The following SHC4 variants were observed in gnomAD, a reference collection of about 807,000 sequenced individuals.
SHC4 encodes the protein SHC-transforming protein 4.
A neutral mutation model predicts 69.4 loss-of-function variants in SHC4; 41 were observed. The observed-to-expected ratio is 0.59, with a 90% CI of 0.46 to 0.77. The LOEUF is 0.77. Ranked by LOEUF, SHC4 falls within the 30% of genes least tolerant of loss-of-function variation. The pLI is 0.00. For synonymous variants in SHC4, 318 were observed against 299.3 expected (o/e 1.06, Z -0.64); for missense variants, 777 against 783.8 (o/e 0.99, Z 0.10).
intron 2 of SHC4, among the ~76,000 whole-genome samples, chr15:48,905,874 C>G (rs1445239376): frequency 2.6e-5 from 4 of 152,210 alleles, no homozygotes; most frequent in African/African-American, 9.6e-5. Context: ...ATCTGCACAT[C>G]TGTATGTTTC....
chr15:48,835,093 T>G, intron 10 of SHC4, 71 bp from the exon 11 acceptor site: 1 of 1,502,008 alleles, frequency 6.7e-7, no homozygotes, highest in Non-Finnish European at 8.9e-7. Context: ...ATTTATTCAC[T>G]CAGTAAATAT....
At chr15:48,886,391 G>A (rs912285975) in intron 3 of SHC4, among the ~76,000 whole-genome samples, 1 of 151,972 alleles carries the variant, frequency 6.6e-6, no homozygotes, top group Non-Finnish European at 1.5e-5. Flanking sequence ...CCTTAATCTC[G>A]TGAGAAATGT....
intron 3 of SHC4, among the ~76,000 whole-genome samples, chr15:48,886,089 T>C (rs1256392794): frequency 6.6e-6 from 1 of 152,102 alleles, no homozygotes; most frequent in African/African-American, 2.4e-5. Context: ...AAACCCCGTC[T>C]CTACTAAAAA....
chr15:48,848,433 G>A (rs973391668), intron 9 of SHC4, among the ~76,000 whole-genome samples: 1 of 152,134 alleles, frequency 6.6e-6, no homozygotes, highest in African/African-American at 2.4e-5. Flanking sequence ...CATTAACAAA[G>A]GGAGTATCCA....
chr15:48,956,476 T>C (rs1901455787), intron 1 of SHC4, among the ~76,000 whole-genome samples: 1 of 152,142 alleles, frequency 6.6e-6, no homozygotes, highest in Non-Finnish European at 1.5e-5. Context: ...ACTTCTGCAG[T>C]CCTCCTGTTG....
At chr15:48,880,414 G>A (rs975064881) in intron 4 of SHC4, among the ~76,000 whole-genome samples, 10 of 152,158 alleles carry the variant, frequency 6.6e-5, no homozygotes, top group African/African-American at 2.4e-4. Context: ...TAATTGCATG[G>A]ATGATGTAAA....
At chr15:48,876,789 C>T (rs1435683731) in intron 4 of SHC4, 1 of 406,358 alleles carries the variant, frequency 2.5e-6, no homozygotes, top group Non-Finnish European at 4.5e-6. Flanking sequence ...GTGGGTCTGC[C>T]TTTCGCAGCC....
intron 4 of SHC4, chr15:48,878,017 T>C (rs1461773490): frequency 3.3e-6 from 3 of 895,744 alleles, no homozygotes; most frequent in Admixed American, 2.9e-5. Context: ...ACTGAGCTAC[T>C]CCAACCACAG....
At chr15:48,830,090 G>A (rs1204008390) in intron 11 of SHC4, among the ~76,000 whole-genome samples, 1 of 152,050 alleles carries the variant, frequency 6.6e-6, no homozygotes, top group Admixed American at 6.5e-5. Context: ...ATTGTTTTCT[G>A]TCTTAAAGCT....
chr15:48,897,037 TGCAGCCCAA>T (rs1389336595), intron 2 of SHC4, among the ~76,000 whole-genome samples: 2 of 152,222 alleles, frequency 1.3e-5, no homozygotes, highest in African/African-American at 4.8e-5. Context: ...CCGCCATTCT[TGCAGCCCAA>T]GCAGCTGCGC....
intron 4 of SHC4, chr15:48,877,489 A>G (rs1899829981): frequency 1.0e-6 from 1 of 984,710 alleles, no homozygotes; most frequent in Non-Finnish European, 1.2e-6. Context: ...GTTTTTAAAA[A>G]ACACACAAAA....
intron 6 of SHC4, among the ~76,000 whole-genome samples, chr15:48,867,333 C>T (rs896040914): frequency 6.6e-6 from 1 of 152,136 alleles, no homozygotes; most frequent in Admixed American, 6.5e-5. Flanking sequence ...CAAAGAAGGT[C>T]TCTGAAGAAG....
At chr15:48,935,781 G>A (rs767689282) in intron 1 of SHC4, among the ~76,000 whole-genome samples, 21 of 152,152 alleles carry the variant, frequency 1.4e-4, no homozygotes, top group Non-Finnish European at 1.6e-4. Flanking sequence ...CAGTGAGATG[G>A]ACAGAGAGAT....
chr15:48,856,390 T>C (rs965209903), intron 7 of SHC4, among the ~76,000 whole-genome samples: 31 of 152,304 alleles, frequency 2.0e-4, no homozygotes, highest in Non-Finnish European at 2.9e-4. Context: ...AAAATAATGA[T>C]AATAACAATA....
intron 2 of SHC4, among the ~76,000 whole-genome samples, chr15:48,891,867 T>C (rs1191363929): frequency 6.6e-6 from 1 of 151,926 alleles, no homozygotes; most frequent in Admixed American, 6.6e-5. Context: ...GTTTTGTTTT[T>C]GTTTTGAGAC....
At chr15:48,915,814 C>T (rs1416716870) in intron 2 of SHC4, among the ~76,000 whole-genome samples, 1 of 152,176 alleles carries the variant, frequency 6.6e-6, no homozygotes, top group African/African-American at 2.4e-5. Context: ...TAAATTAGAA[C>T]TTTAAAACTC....
chr15:48,958,312 T>C (rs1901487207), intron 1 of SHC4, among the ~76,000 whole-genome samples: 1 of 152,194 alleles, frequency 6.6e-6, no homozygotes, highest in Non-Finnish European at 1.5e-5. Context: ...CTGTCTTGCT[T>C]GGAGGCAAGT....
chr15:48,842,531 T>A (rs571630003), intron 10 of SHC4, among the ~76,000 whole-genome samples: 70 of 152,286 alleles, frequency 4.6e-4, no homozygotes, highest in Admixed American at 1.3e-3. Flanking sequence ...TTAACTATGG[T>A]GAAGGATGGA....
chr15:48,898,713 C>T (rs142944236), intron 2 of SHC4, among the ~76,000 whole-genome samples: 28 of 152,272 alleles, frequency 1.8e-4, no homozygotes, highest in Admixed American at 1.6e-3. Context: ...CACTAGTTAA[C>T]GGACATTAAG....
Sources: gnomAD v4.1 joint callset for allele counts (sites outside exome capture counted in the v4.1 genomes callset) on GRCh38, gnomAD v4.1.1 for gene constraint, MANE v1.5 for transcripts, NCBI Gene and HGNC (gene_info 2026-07-23, HGNC 2026-07-21) for gene names.